The following ZBED5 variants were observed in gnomAD, a reference collection of about 807,000 sequenced individuals.
The protein encoded by ZBED5 is zinc finger BED-type containing 5, also known as zinc finger BED domain-containing protein 5.
Under a neutral mutation model 49.2 loss-of-function variants are expected in ZBED5, and 29 were observed. The observed-to-expected ratio is 0.59, with a 90% confidence interval of 0.44 to 0.80. ZBED5 has a LOEUF of 0.80. ZBED5 is among the 30% of genes least tolerant of loss of function. ZBED5 has a pLI of 0.00. For synonymous variants in ZBED5, 281 were observed against 292.5 expected (o/e 0.96, Z 0.40); for missense variants, 775 against 812.9 (o/e 0.95, Z 0.57).
At position 10,855,737 on chromosome 11, in the gene ZBED5, T is replaced by G. The variant is rs1337682510; in HGVS notation, c.-142+407A>C. ...TATGCGTTAACAATGAAGAATAAAT[T>G]GTATATCAAAAGTTAGGTACTGTTT... On this transcript the variant is annotated intron_variant, in intron 2 of 2. Coordinates refer to ENST00000413761, the MANE Select transcript of ZBED5 (RefSeq NM_001143667.2). The surrounding 1 kb of genome is among the most constrained non-coding windows in gnomAD (Gnocchi z 4.1). 6.6e-6 allele frequency: 1 copy of G among 152,180 alleles called. No individual in the cohort carries two copies. The highest frequency in any genetic ancestry group is 2.4e-5 in the African/African-American group (1 of 41,438). 9.4% of individuals were successfully genotyped at this position (152,180 alleles called of 1,614,324 possible). A position where few individuals can be genotyped will look rare whatever the true frequency, so the allele number is the denominator to read the frequency against.
chr11:10,853,860 A>G lies in ZBED5; in HGVS notation c.1086T>C (p.Tyr362=), dbSNP rs958002169. 2.1e-5 allele frequency: 33 copies of G among 1,551,660 alleles called. No homozygotes were observed. The highest frequency in any genetic ancestry group is 5.9e-5 in the Admixed American group (3 of 50,994). The change falls in exon 3 of 3, where the codon TAT becomes TAC. Residue 362 remains tyrosine (Y), a synonymous_variant. Transcript: ENST00000413761. This position sits in a 1 kb window ranked among gnomAD's most constrained non-coding sequence, Gnocchi z 5.4. ...GACTACTGGTGCTTTCGGGAGCCAC[A>G]TATTTTATTAAGGTGACAGCTTCGG... ...KIAEAVTLIK[Y]VAPESTSSHC...
In ZBED5 at chr11:10,853,691, T is replaced by A. The variant is rs1848134738; in HGVS notation, c.1255A>T (p.Met419Leu). ...AGAAGTGCTGTGTGCTGAGCACCCA[T>A]TTCCTCACATAAAATTTTTAATAGT... is the stretch of plus-strand genomic sequence containing the variant. ...SRLLKILCEE[M>L]GAQHTALLLN... The change falls in exon 3 of 3, where the codon ATG becomes TTG. Residue 419 changes from methionine to leucine, a missense_variant. Coordinates refer to ENST00000413761, the MANE Select transcript of ZBED5 (RefSeq NM_001143667.2). The surrounding 1 kb of genome is among the most constrained non-coding windows in gnomAD (Gnocchi z 5.4). 2 of 1,551,562 alleles carry A rather than the reference T, an allele frequency of 1.3e-6. No homozygotes were observed. The highest frequency in any genetic ancestry group is 2.7e-5 in the African/African-American group (2 of 73,062).
Position 10,854,650 on chromosome 11 carries a change from A to C in ZBED5, c.296T>G (p.Ile99Arg), listed in dbSNP as rs894061258. Residue 99 changes from isoleucine to arginine, a missense_variant, in exon 3 of 3, where the codon ATA becomes AGA. Coordinates refer to ENST00000413761, the MANE Select transcript of ZBED5 (RefSeq NM_001143667.2). This position sits in a 1 kb window ranked among gnomAD's most constrained non-coding sequence, Gnocchi z 5.0. The part of the protein sequence containing the change: ...RVKFISNSNK[I>R]TFSKKPKRRK... ...TCTTTTTGGTTTTTTACTAAATGTT[A>C]TTTTGTTGGAATTGGATATAAATTT... 2.6e-6 allele frequency: 4 copies of C among 1,551,074 alleles called. No homozygotes were observed. Among genetic ancestry groups the C allele is most frequent in the Non-Finnish European group, 3.5e-6 (4 of 1,146,856 alleles).
At position 10,853,930 on chromosome 11, in the gene ZBED5, A is replaced by G; in HGVS notation, c.1016T>C (p.Val339Ala). The change falls in exon 3 of 3, where the codon GTT (valine) becomes GCT (alanine). Residue 339 changes from valine (V) to alanine (A), a missense_variant. By Grantham distance (64) the Val-to-Ala change is moderately conservative. Transcript: ENST00000413761. This position sits in a 1 kb window ranked among gnomAD's most constrained non-coding sequence, Gnocchi z 5.4. ...QKHEIEWEKCVDVCSDASRAV... is the reference protein window; with the variant it reads ...QKHEIEWEKCADVCSDASRAV... ...CCTAGAAGCATCACTACAAACATCA[A>G]CACATTTTTCCCATTCAATTTCATG... 1 of 1,551,584 alleles carries G rather than the reference A, an allele frequency of 6.4e-7. No individual in the cohort carries two copies. The highest frequency in any genetic ancestry group is 8.7e-7 in the Non-Finnish European group (1 of 1,146,946).
Position 10,857,910 on chromosome 11 carries a change from G to C in ZBED5, c.-304C>G, listed in dbSNP as rs1848207571. On this transcript the variant is annotated 5_prime_UTR_variant, in exon 1 of 3. Coordinates refer to ENST00000413761, the MANE Select transcript of ZBED5 (RefSeq NM_001143667.2). The surrounding 1 kb of genome is among the most constrained non-coding windows in gnomAD (Gnocchi z 6.3). ...CAACAGCCAGTCGTCGTGGACTGGA[G>C]GGGGAGGGGAGAGAGGGAGGGGAAT... 6.4e-6 allele frequency: 1 copy of C among 156,814 alleles called. No homozygotes were observed. The highest frequency in any genetic ancestry group is 6.5e-5 in the Admixed American group (1 of 15,382). 9.7% of individuals were successfully genotyped at this position (156,814 alleles called of 1,614,324 possible).
chr11:10,854,383 G>A lies in ZBED5; in HGVS notation c.563C>T (p.Thr188Ile), dbSNP rs1283935437. 6.4e-7 allele frequency: 1 copy of A among 1,551,016 alleles called. No individual in the cohort carries two copies. Among genetic ancestry groups the A allele is most frequent in the Non-Finnish European group, 8.7e-7 (1 of 1,146,910 alleles). ...NKPPTPKIVN[T>I]DNESATEASY... ...TGCTTCTGTAGCACTTTCATTATCT[G>A]TATTCACAATTTTAGGTGTTGGGGG... Residue 188 changes from threonine (T) to isoleucine (I), a missense_variant, in exon 3 of 3, where the codon ACA becomes ATA. Transcript: ENST00000413761. The surrounding 1 kb of genome is among the most constrained non-coding windows in gnomAD (Gnocchi z 5.0).
rs769335590 is a variant in ZBED5, at chr11:10,854,453, T to C, written c.493A>G (p.Ile165Val). 7 of 1,551,332 alleles carry C rather than the reference T, an allele frequency of 4.5e-6. No individual in the cohort carries two copies. The African/African-American group carries it at 5.5e-5, about 12-fold the overall frequency. ...TKHAAYKDKD[I>V]SFFKQHLDSP... ...TCGAGATGTTGCTTGAAAAAGCTTA[T>C]GTCTTTGTCTTTATATGCAGCATGT... Residue 165 changes from isoleucine (I) to valine (V), a missense_variant, in exon 3 of 3, where the codon ATA becomes GTA. By Grantham distance (29) the Ile-to-Val change is conservative. Coordinates refer to ENST00000413761, the MANE Select transcript of ZBED5 (RefSeq NM_001143667.2). The surrounding 1 kb of genome is among the most constrained non-coding windows in gnomAD (Gnocchi z 5.0).
chr11:10,852,929 T>C lies in ZBED5; in HGVS notation c.2017A>G (p.Ser673Gly), dbSNP rs1476627504. 1 of 1,551,416 alleles carries C rather than the reference T, an allele frequency of 6.4e-7. No individual in the cohort carries two copies. The highest frequency in any genetic ancestry group is 1.4e-5 in the African/African-American group (1 of 73,058). The change falls in exon 3 of 3, where the codon AGC becomes GGC. Residue 673 changes from serine to glycine, a missense_variant. Transcript: ENST00000413761. ...CGCTTAATATTAGGTGTAATATTGCTAAGTCGGATTCGCATATGAGGTGCA... is the reference window on the plus strand; with the variant it reads ...CGCTTAATATTAGGTGTAATATTGCCAAGTCGGATTCGCATATGAGGTGCA... ...DAAPHMRIRLSNITPNIKRIC... is the reference protein window; with the variant it reads ...DAAPHMRIRLGNITPNIKRIC...
chr11:10,854,267 T>C lies in ZBED5; in HGVS notation c.679A>G (p.Met227Val), dbSNP rs575967573. 3.2e-5 allele frequency: 50 copies of C among 1,551,190 alleles called. No homozygotes were observed. The Admixed American group carries it at 8.0e-4, about 25-fold the overall frequency. The change falls in exon 3 of 3, where the codon ATG becomes GTG. Residue 227 changes from methionine to valine, a missense_variant. Transcript: ENST00000413761. The surrounding 1 kb of genome is among the most constrained non-coding windows in gnomAD (Gnocchi z 5.0). ...LIKPCAKDVV[M>V]RMFDEQYSKK... The stretch of plus-strand genomic sequence containing the variant: ...CTATATTGTTCATCAAACATCCGCA[T>C]CACTACATCTTTTGCACAAGGTTTG...
Position 10,853,264 on chromosome 11 carries a change from AACAG to A in ZBED5, c.1678_1681del (p.Leu560Ter). On this transcript the variant is annotated frameshift_variant, in exon 3 of 3. Coordinates refer to ENST00000413761, the MANE Select transcript of ZBED5 (RefSeq NM_001143667.2). LOFTEE classifies it high-confidence loss of function. This position sits in a 1 kb window ranked among gnomAD's most constrained non-coding sequence, Gnocchi z 5.4. Reference sequence around the variant, plus strand: ...GTCATTTGTTACAGGAAAGTATTTTAACAGAGTAGCGCGCAAACCCCTTAGGTGC... The same window carrying A: ...GTCATTTGTTACAGGAAAGTATTTTAAGTAGCGCGCAAACCCCTTAGGTGC... 6.4e-7 allele frequency: 1 copy of A among 1,551,604 alleles called. No homozygotes were observed. Among genetic ancestry groups the A allele is most frequent in the Non-Finnish European group, 8.7e-7 (1 of 1,146,902 alleles).
Position 10,854,475 on chromosome 11 carries a change from A to C in ZBED5, c.471T>G (p.His157Gln), listed in dbSNP as rs1320916466. 6.4e-7 allele frequency: 1 copy of C among 1,551,530 alleles called. No homozygotes were observed. Among genetic ancestry groups the C allele is most frequent in the Admixed American group, 2.0e-5 (1 of 50,990 alleles). Residue 157 changes from histidine to glutamine, a missense_variant, in exon 3 of 3, where the codon CAT becomes CAG. Coordinates refer to ENST00000413761, the MANE Select transcript of ZBED5 (RefSeq NM_001143667.2). This position sits in a 1 kb window ranked among gnomAD's most constrained non-coding sequence, Gnocchi z 5.0. ...TTATGTCTTTGTCTTTATATGCAGC[A>C]TGTTTAGTTTCCAAATGTCTTCGAA... ...SKLRRHLETK[H>Q]AAYKDKDISF...
rs1445541325 is a variant in ZBED5, at chr11:10,852,872, AAC to A, written c.2072_2073del (p.Cys691PhefsTer44). ...RICDKKTQKH[C>X]SH ...TGCAAACTCCTCCAATTTTAATGAG[AAC>A]AGTGTTTTTGTGTCTTTTTATCACA... On this transcript the variant is annotated frameshift_variant, in exon 3 of 3. Transcript: ENST00000413761. LOFTEE classifies it high-confidence loss of function. The A allele has an allele frequency of 1.3e-6, 2 of 1,531,344 alleles. No homozygotes were observed. Among genetic ancestry groups the A allele is most frequent in the Non-Finnish European group, 1.8e-6 (2 of 1,131,636 alleles). 94.9% of individuals were successfully genotyped at this position (1,531,344 alleles called of 1,614,324 possible).
At position 10,854,922 on chromosome 11, in the gene ZBED5, G is replaced by C. The variant is rs1381453329; in HGVS notation, c.24C>G (p.Ile8Met). ...CAAATGTGTTGAAATTATAAGACAG[G>C]ATACAAAGAAGAGGAGCAATCATCA... Reference protein sequence around the residue: MIAPLLCILSYNFNTFAI... With the variant: MIAPLLCMLSYNFNTFAI... The change falls in exon 3 of 3, where the codon ATC (isoleucine) becomes ATG (methionine). Residue 8 changes from isoleucine (I) to methionine (M), a missense_variant. Transcript: ENST00000413761. The surrounding 1 kb of genome is among the most constrained non-coding windows in gnomAD (Gnocchi z 5.0). 1.2e-5 allele frequency: 19 copies of C among 1,549,982 alleles called. No individual in the cohort carries two copies. Among genetic ancestry groups the C allele is most frequent in the Non-Finnish European group, 1.7e-5 (19 of 1,145,720 alleles).
chr11:10,853,632 ACCT>A lies in ZBED5; in HGVS notation c.1311_1313del (p.Gly438del), dbSNP rs1263181927. On this transcript the variant is annotated inframe_deletion, in exon 3 of 3. Coordinates refer to ENST00000413761, the MANE Select transcript of ZBED5 (RefSeq NM_001143667.2). The surrounding 1 kb of genome is among the most constrained non-coding windows in gnomAD (Gnocchi z 5.4). The stretch of plus-strand genomic sequence containing the variant: ...GTTCAAAAAGTCTTACAAGAACTTT[ACCT>A]CGAGAAAGCCACCTCACCTCTGTAT... 8 of 1,551,636 alleles carry A rather than the reference ACCT, an allele frequency of 5.2e-6. No individual in the cohort carries two copies. In the South Asian group the frequency reaches 9.5e-5, roughly 18 times the overall value.
At position 10,853,541 on chromosome 11, in the gene ZBED5, A is replaced by G. The variant is rs1264151577; in HGVS notation, c.1405T>C (p.Ser469Pro). Reference sequence around the variant, plus strand: ...AGATATGCAAGTCTTAGCAGCCAAGATGAATTTGTTAAACAATCAGATAGT... The same window carrying G: ...AGATATGCAAGTCTTAGCAGCCAAGGTGAATTTGTTAAACAATCAGATAGT... Reference protein sequence around the residue: ...FRLSDCLTNSSWLLRLAYLAD... With the variant: ...FRLSDCLTNSPWLLRLAYLAD... Residue 469 changes from serine (S) to proline (P), a missense_variant, in exon 3 of 3, where the codon TCT becomes CCT. By Grantham distance (74) the Ser-to-Pro change is moderately conservative. Transcript: ENST00000413761. This position sits in a 1 kb window ranked among gnomAD's most constrained non-coding sequence, Gnocchi z 5.4. 1.3e-5 allele frequency: 20 copies of G among 1,549,742 alleles called. No individual in the cohort carries two copies. The Admixed American group carries it at 3.9e-4, about 31-fold the overall frequency.
At position 10,854,620 on chromosome 11, in the gene ZBED5, TTTC is replaced by T; in HGVS notation, c.323_325del (p.Arg108del). On this transcript the variant is annotated inframe_deletion, in exon 3 of 3. Transcript: ENST00000413761. The surrounding 1 kb of genome is among the most constrained non-coding windows in gnomAD (Gnocchi z 5.0). Reference sequence around the variant, plus strand: ...AAAAGACAAATAACTTTCATCATATTTTCTTCTTTTTGGTTTTTTACTAAATGT... The same window carrying T: ...AAAAGACAAATAACTTTCATCATATTTTCTTTTTGGTTTTTTACTAAATGT... 1 of 1,550,888 alleles carries T rather than the reference TTTC, an allele frequency of 6.4e-7. No individual in the cohort carries two copies. Among genetic ancestry groups the T allele is most frequent in the Non-Finnish European group, 8.7e-7 (1 of 1,146,696 alleles).
In ZBED5 at chr11:10,855,131, G is replaced by C; in HGVS notation, c.-141-45C>G. On this transcript the variant is annotated intron_variant, in intron 2 of 2. Coordinates refer to ENST00000413761, the MANE Select transcript of ZBED5 (RefSeq NM_001143667.2). The surrounding 1 kb of genome is among the most constrained non-coding windows in gnomAD (Gnocchi z 4.1). ...ATAAAAATAAAAGCTATAGAAATGAGTTTAGCAGTCTTAATCTCATATTTA... is the reference window on the plus strand; with the variant it reads ...ATAAAAATAAAAGCTATAGAAATGACTTTAGCAGTCTTAATCTCATATTTA... 2 of 654,310 alleles carry C rather than the reference G, an allele frequency of 3.1e-6. No individual in the cohort carries two copies. The highest frequency in any genetic ancestry group is 6.8e-5 in the South Asian group (2 of 29,202). 40.5% of individuals were successfully genotyped at this position (654,310 alleles called of 1,614,324 possible). A position where few individuals can be genotyped will look rare whatever the true frequency, so the allele number is the denominator to read the frequency against.
At position 10,854,938 on chromosome 11, in the gene ZBED5, G is replaced by A. The variant is rs1213709923; in HGVS notation, c.8C>T (p.Ala3Val). MI[A>V]PLLCILSYNF... ...ATAAGACAGGATACAAAGAAGAGGA[G>A]CAATCATCAAAGAGATGATATACAG... is the stretch of plus-strand genomic sequence containing the variant. The change falls in exon 3 of 3, where the codon GCT becomes GTT. Residue 3 changes from alanine (A) to valine (V), a missense_variant. By Grantham distance (64) the Ala-to-Val change is moderately conservative. Transcript: ENST00000413761. The surrounding 1 kb of genome is among the most constrained non-coding windows in gnomAD (Gnocchi z 5.0). 5.2e-6 allele frequency: 8 copies of A among 1,548,398 alleles called. No individual in the cohort carries two copies. The highest frequency in any genetic ancestry group is 2.0e-5 in the Admixed American group (1 of 50,782).
rs1848116978 is a variant in ZBED5 at position 10,852,765 on chromosome 11, T to A, written c.*99A>T. ...ATCTAAATAGTATAAAAAAATGGAATCATTTTATTTAAATCCCCCAAATAC... is the reference window on the plus strand; with the variant it reads ...ATCTAAATAGTATAAAAAAATGGAAACATTTTATTTAAATCCCCCAAATAC... On this transcript the variant is annotated 3_prime_UTR_variant, in exon 3 of 3. Transcript: ENST00000413761. 1 of 1,401,712 alleles carries A rather than the reference T, an allele frequency of 7.1e-7. No homozygotes were observed. Among genetic ancestry groups the A allele is most frequent in the African/African-American group, 1.4e-5 (1 of 69,406 alleles). The allele number at this position is 1,401,712 out of a possible 1,614,324, so 86.8% of individuals were successfully genotyped here.
Sources: allele counts gnomAD v4.1 joint callset, GRCh38; gene constraint gnomAD v4.1.1; non-coding constraint Gnocchi (gnomAD v3.1); transcripts MANE v1.5; gene names NCBI Gene and HGNC (gene_info 2026-07-23, HGNC 2026-07-21).